The following PTPRD variants were observed in gnomAD, a reference collection of about 807,000 sequenced individuals.
The protein encoded by PTPRD is protein tyrosine phosphatase receptor type D.
PTPRD carries 34 observed loss-of-function variants against 214.5 expected under a neutral mutation model. The observed-to-expected ratio is 0.16, with a 90% confidence interval of 0.12 to 0.21. The LOEUF is 0.21. Ranked by LOEUF, PTPRD falls within the 10% of genes least tolerant of loss-of-function variation. The pLI is 1.00. For synonymous variants in PTPRD, 1,128 were observed against 845.7 expected, an observed-to-expected ratio of 1.33 and a Z score of -5.79; for missense variants, 2,545 against 2,398.7, an observed-to-expected ratio of 1.06 and a Z score of -1.27.
intron 11 of PTPRD, among the ~76,000 whole-genome samples, chr9:8,956,040 T>A (rs1366701398): frequency 6.6e-6 from 1 of 151,904 alleles, no homozygotes. Flanking sequence ...AAGTTATACT[T>A]GGTAAGACTT....
At chr9:8,499,011 C>T (rs13290896) in intron 25 of PTPRD, among the ~76,000 whole-genome samples, 12,493 of 152,158 alleles carry the variant, frequency 0.082, 571 homozygotes, top group South Asian at 0.12. Flanking sequence ...ACATACTCAA[C>T]TACTCATTTT....
chr9:10,503,884 A>C (rs945770590), intron 2 of PTPRD, among the ~76,000 whole-genome samples: 1 of 151,942 alleles, frequency 6.6e-6, no homozygotes. Context: ...TGGGAGGCCG[A>C]GGTGGGCGGA....
intron 12 of PTPRD, among the ~76,000 whole-genome samples, chr9:8,637,475 T>C (rs772732516): frequency 6.6e-6 from 1 of 152,166 alleles, no homozygotes; most frequent in African/African-American, 2.4e-5. Context: ...TCCAAAGTCA[T>C]AGTAAAGCAA....
intron 3 of PTPRD, among the ~76,000 whole-genome samples, chr9:10,224,829 T>A (rs759541803): frequency 1.3e-5 from 2 of 152,054 alleles, no homozygotes; most frequent in African/African-American, 4.8e-5. Flanking sequence ...CCACCTCTAC[T>A]TAACAGCTAG....
chr9:9,347,784 G>A (rs986219445), intron 9 of PTPRD, among the ~76,000 whole-genome samples: 7 of 152,114 alleles, frequency 4.6e-5, no homozygotes, highest in African/African-American at 1.7e-4. Context: ...TGTAAGCAGT[G>A]TTTGTTGAAA....
intron 10 of PTPRD, among the ~76,000 whole-genome samples, chr9:9,068,334 T>C (rs1295493728): frequency 1.3e-5 from 2 of 152,204 alleles, no homozygotes; most frequent in African/African-American, 2.4e-5. Flanking sequence ...TGTGTTAACA[T>C]AGGTTTCCCC....
At chr9:9,913,936 C>G (rs946804175) in intron 5 of PTPRD, among the ~76,000 whole-genome samples, 13 of 152,166 alleles carry the variant, frequency 8.5e-5, no homozygotes, top group African/African-American at 2.9e-4. Context: ...ACACAGGGCA[C>G]CATCTTCATT....
intron 5 of PTPRD, among the ~76,000 whole-genome samples, chr9:9,931,915 G>C (rs2086785355): frequency 6.6e-6 from 1 of 151,444 alleles, no homozygotes; most frequent in Non-Finnish European, 1.5e-5. Context: ...GTGGGTCCCT[G>C]ACCCCTGACC....
chr9:10,305,263 G>A (rs889500946), intron 3 of PTPRD, among the ~76,000 whole-genome samples: 13 of 151,428 alleles, frequency 8.6e-5, no homozygotes, highest in African/African-American at 2.7e-4. Flanking sequence ...AACTCAAGAT[G>A]GATTAAAGAC....
At chr9:8,792,725 A>C (rs1281725597) in intron 11 of PTPRD, among the ~76,000 whole-genome samples, 3 of 152,182 alleles carry the variant, frequency 2.0e-5, no homozygotes, top group East Asian at 1.9e-4. Context: ...TGATAGAAGA[A>C]GACGCAAAAG....
At chr9:8,871,173 T>G (rs2098293744) in intron 11 of PTPRD, among the ~76,000 whole-genome samples, 1 of 152,210 alleles carries the variant, frequency 6.6e-6, no homozygotes, top group Admixed American at 6.5e-5. Flanking sequence ...GCCCTGGGCA[T>G]ATGTTCAAAA....
intron 9 of PTPRD, among the ~76,000 whole-genome samples, chr9:9,374,618 A>C (rs1438320846): frequency 6.6e-6 from 1 of 152,218 alleles, no homozygotes; most frequent in Non-Finnish European, 1.5e-5. Flanking sequence ...AATGTAAGAC[A>C]GTTTACATTT....
In PTPRD at chr9:8,954,634, C is replaced by CA. The variant is rs1282504248; in HGVS notation, c.-104+64062dup. Among the ~76,000 whole-genome samples the CA allele has an allele frequency of 2.0e-5, 3 of 151,774 alleles. 1 individual carries two copies. Among genetic ancestry groups the CA allele is most frequent in the African/African-American group, 7.2e-5 (3 of 41,390 alleles). ...GGGCTTGGGCTGTGGAGAGCTGTTC[C>CA]AATGAGAAGTAACAGGATGACTTTC... On this transcript the variant is annotated intron_variant, in intron 11 of 45. Transcript: ENST00000381196.
In PTPRD at chr9:9,321,598, C is replaced by CTGT. The variant is rs1966592001; in HGVS notation, c.-203+75850_-203+75851insACA. 2.6e-5 allele frequency among the ~76,000 whole-genome samples: 4 copies of CTGT among 151,084 alleles called. No individual in the cohort carries two copies. In the South Asian group the frequency reaches 8.4e-4, roughly 32 times the overall value. On this transcript the variant is annotated intron_variant, in intron 9 of 45. Transcript: ENST00000381196. Reference sequence around the variant, plus strand: ...TGTTTTTGTTAAAATGCCATGTATGCATATCTGATTTTTCCATAAAACACA... The same window carrying CTGT: ...TGTTTTTGTTAAAATGCCATGTATGCTGTATATCTGATTTTTCCATAAAACACA...
chr9:10,599,833 T>C (rs771123194), intron 2 of PTPRD, among the ~76,000 whole-genome samples: 9 of 151,796 alleles, frequency 5.9e-5, no homozygotes, highest in Non-Finnish European at 1.2e-4. Context: ...CCCCTTCTAA[T>C]CAGAGGCTTT....
intron 6 of PTPRD, among the ~76,000 whole-genome samples, chr9:9,736,272 A>G (rs748439381): frequency 3.3e-5 from 5 of 152,060 alleles, no homozygotes; most frequent in Non-Finnish European, 7.4e-5. Context: ...AACTTTATCT[A>G]CTTGGAATCA....
intron 13 of PTPRD, among the ~76,000 whole-genome samples, chr9:8,636,176 G>A (rs572271797): frequency 3.2e-4 from 48 of 152,212 alleles, no homozygotes; most frequent in African/African-American, 1.1e-3. Context: ...TCTTGATAAC[G>A]AGGATTTAAA....
At chr9:10,500,219 A>C (rs1302689944) in intron 2 of PTPRD, among the ~76,000 whole-genome samples, 4 of 152,018 alleles carry the variant, frequency 2.6e-5, no homozygotes, top group South Asian at 2.1e-4. Flanking sequence ...TCAGTAAACT[A>C]ACTTTCTGTA....
At chr9:10,158,732 C>T (rs1373131311) in intron 3 of PTPRD, among the ~76,000 whole-genome samples, 2 of 152,106 alleles carry the variant, frequency 1.3e-5, no homozygotes. Context: ...GGAAAATTTC[C>T]CCCTGACTTA....
Sources: allele counts gnomAD v4.1 joint callset (sites outside exome capture counted in the v4.1 genomes callset), GRCh38; gene constraint gnomAD v4.1.1; transcripts MANE v1.5; gene names NCBI Gene and HGNC (gene_info 2026-07-23, HGNC 2026-07-21).